Variants in NIBAN1 observed in about 807,000 individuals in gnomAD.
NIBAN1 encodes niban apoptosis regulator 1.
In NIBAN1, 81 loss-of-function variants were observed where a neutral mutation model predicts 75.1. That is an observed-to-expected ratio of 1.08 (90% CI 0.90 to 1.30). The LOEUF (loss-of-function observed/expected upper bound fraction) is 1.30. Among genes scored for constraint, NIBAN1 ranks in the 50% most tolerant of loss-of-function variants. The pLI is 0.00. For missense variants in NIBAN1, 1,133 were observed against 1,128.1 expected (o/e 1.00, Z -0.06); for synonymous variants, 436 against 424.8 (o/e 1.03, Z -0.32).
intron 1 of NIBAN1, among the ~76,000 whole-genome samples, chr1:184,951,631 AC>A (rs1372070473): frequency 6.6e-6 from 1 of 151,972 alleles, no homozygotes; most frequent in Non-Finnish European, 1.5e-5. Flanking sequence ...CCTAGTCCAC[AC>A]CACCATAATC....
intron 5 of NIBAN1, among the ~76,000 whole-genome samples, chr1:184,879,811 T>C (rs898620695): frequency 2.6e-5 from 4 of 152,232 alleles, no homozygotes; most frequent in African/African-American, 9.6e-5. Context: ...ATCACTGTTA[T>C]AGCTCCACAT....
At chr1:184,856,738 A>G (rs2102270540) in intron 5 of NIBAN1, among the ~76,000 whole-genome samples, 1 of 152,334 alleles carries the variant, frequency 6.6e-6, no homozygotes, top group South Asian at 2.1e-4. Flanking sequence ...AGAATAATAA[A>G]TCCACCACCT....
intron 5 of NIBAN1, among the ~76,000 whole-genome samples, chr1:184,857,236 A>G (rs1045014762): frequency 4.6e-5 from 7 of 152,202 alleles, no homozygotes; most frequent in African/African-American, 1.4e-4. Flanking sequence ...GTGTAAGGCA[A>G]GACACCATGA....
Position 184,947,137 on chromosome 1 carries a change from G to T in NIBAN1, c.55+27165C>A, listed in dbSNP as rs553207209. 8.5e-5 allele frequency among the ~76,000 whole-genome samples: 13 copies of T among 152,194 alleles called. No individual in the cohort carries two copies. In the South Asian group the frequency reaches 1.2e-3, roughly 15 times the overall value. Reference sequence around the variant, plus strand: ...TACCTTGCTTTCTGTTGGATCAAATGACATGTAGTCCAAGTCTTTGAGATC... The same window carrying T: ...TACCTTGCTTTCTGTTGGATCAAATTACATGTAGTCCAAGTCTTTGAGATC... On this transcript the variant is annotated intron_variant, in intron 1 of 13. Coordinates refer to ENST00000367511, the MANE Select transcript of NIBAN1 (RefSeq NM_052966.4).
intron 5 of NIBAN1, among the ~76,000 whole-genome samples, chr1:184,856,610 T>C (rs1237739250): frequency 6.6e-6 from 1 of 152,228 alleles, no homozygotes; most frequent in Non-Finnish European, 1.5e-5. Context: ...ATCATTATTA[T>C]ATATTCACTC....
At chr1:184,811,057 T>C (rs1344342401) in intron 9 of NIBAN1, among the ~76,000 whole-genome samples, 1 of 152,216 alleles carries the variant, frequency 6.6e-6, no homozygotes, top group Non-Finnish European at 1.5e-5. Flanking sequence ...AGCAAGTTTC[T>C]GATCCAAACT....
At chr1:184,839,185 A>G (rs1315290632) in intron 5 of NIBAN1, among the ~76,000 whole-genome samples, 3 of 152,190 alleles carry the variant, frequency 2.0e-5, no homozygotes, top group African/African-American at 4.8e-5. Context: ...AGACAAGAAA[A>G]TGGAGTTTTG....
At chr1:184,940,985 T>A (rs1658075337) in intron 1 of NIBAN1, among the ~76,000 whole-genome samples, 1 of 152,252 alleles carries the variant, frequency 6.6e-6, no homozygotes, top group African/African-American at 2.4e-5. Flanking sequence ...CGGACACACG[T>A]CAGTCTATCC....
At chr1:184,864,300 T>C (rs895636411) in intron 5 of NIBAN1, among the ~76,000 whole-genome samples, 3 of 152,062 alleles carry the variant, frequency 2.0e-5, no homozygotes, top group Non-Finnish European at 4.4e-5. Context: ...CTATCATTAG[T>C]ATTTTATCAT....
At position 184,876,771 on chromosome 1, in the gene NIBAN1, G is replaced by A. The variant is rs1656244809; in HGVS notation, c.601+7862C>T. ...TAGTAGTTTAAGATCTTCTCACAAA[G>A]AGAACACCTAAGATGATTTTACAGG... is the stretch of plus-strand genomic sequence containing the variant. On this transcript the variant is annotated intron_variant, in intron 5 of 13. Transcript: ENST00000367511. Among the ~76,000 whole-genome samples the A allele has an allele frequency of 2.0e-5, 3 of 151,624 alleles. No homozygotes were observed. The South Asian group carries it at 6.2e-4, about 31-fold the overall frequency.
chr1:184,923,339 T>G (rs917015020), intron 1 of NIBAN1, among the ~76,000 whole-genome samples: 1 of 152,234 alleles, frequency 6.6e-6, no homozygotes, highest in African/African-American at 2.4e-5. Context: ...CTCCAAAGTA[T>G]GCTCTTGTTA....
intron 5 of NIBAN1, among the ~76,000 whole-genome samples, chr1:184,835,616 G>C (rs1456847594): frequency 4.6e-5 from 7 of 152,186 alleles, no homozygotes; most frequent in Non-Finnish European, 1.5e-5. Flanking sequence ...TTGTGAATGG[G>C]AGTTCACTCA....
intron 6 of NIBAN1, among the ~76,000 whole-genome samples, chr1:184,825,688 C>T (rs1401210447): frequency 1.3e-5 from 2 of 152,182 alleles, no homozygotes; most frequent in South Asian, 2.1e-4. Context: ...TGCTACTGGC[C>T]CTTCCTTCTT....
chr1:184,923,788 CT>C (rs200936303), intron 1 of NIBAN1, among the ~76,000 whole-genome samples: 2,715 of 152,058 alleles, frequency 0.018, 47 homozygotes, highest in South Asian at 0.047. Flanking sequence ...TCTTTCACTT[CT>C]TTTGGTTAAT....
rs1174066517 is a variant in NIBAN1, at chr1:184,827,953, G to GTT, written c.717+3892_717+3893dup. Among the ~76,000 whole-genome samples the GTT allele has an allele frequency of 1.2e-3, 118 of 100,258 alleles. 10 individuals are homozygous for GTT. Among genetic ancestry groups the GTT allele is most frequent in the African/African-American group, 1.6e-3 (50 of 30,328 alleles). 65.8% of individuals were successfully genotyped at this position (100,258 alleles called of 152,430 possible). ...AAGGCCTAAAAATGCGGGTAGTTTT[G>GTT]TTTTTTGTTTTTTTTTTTTTTTTCC... On this transcript the variant is annotated intron_variant, in intron 6 of 13. Transcript: ENST00000367511.
rs754593995 is a variant in NIBAN1 at position 184,890,238 on chromosome 1, C to A, written c.319-16G>T. 1 of 1,567,400 alleles carries A rather than the reference C, an allele frequency of 6.4e-7. No homozygotes were observed. The highest frequency in any genetic ancestry group is 8.8e-7 in the Non-Finnish European group (1 of 1,137,612). ...TCTGATAGGCCTGGGGAGGGAAAGGCACACAGGAATGATATCTTTTTCCCC... is the reference window on the plus strand; with the variant it reads ...TCTGATAGGCCTGGGGAGGGAAAGGAACACAGGAATGATATCTTTTTCCCC... On this transcript the variant is annotated splice_polypyrimidine_tract_variant and intron_variant, in intron 3 of 13. Transcript: ENST00000367511.
chr1:184,958,155 T>C (rs923581279), intron 1 of NIBAN1, among the ~76,000 whole-genome samples: 7 of 152,082 alleles, frequency 4.6e-5, no homozygotes, highest in African/African-American at 1.7e-4. Flanking sequence ...TCACTTGAGG[T>C]CAGGAGTTCA....
chr1:184,921,018 A>T (rs961198516), intron 1 of NIBAN1, among the ~76,000 whole-genome samples: 1 of 151,736 alleles, frequency 6.6e-6, no homozygotes, highest in African/African-American at 2.4e-5. Flanking sequence ...AGTCCCAGCT[A>T]CTCAGGAGGC....
intron 6 of NIBAN1, among the ~76,000 whole-genome samples, chr1:184,831,579 C>T (rs930138779): frequency 6.6e-6 from 1 of 152,170 alleles, no homozygotes. Context: ...AAGAGTAATT[C>T]TTTTCATAGA....
Sources: allele counts gnomAD v4.1 joint callset (sites outside exome capture counted in the v4.1 genomes callset), GRCh38; gene constraint gnomAD v4.1.1; transcripts MANE v1.5; gene names NCBI Gene and HGNC (gene_info 2026-07-23, HGNC 2026-07-21).